LINGO2: variants seen among roughly 807,000 people sequenced by gnomAD.
LINGO2 encodes leucine-rich repeat and immunoglobulin-like domain-containing nogo receptor-interacting protein 2.
Under a neutral mutation model 30.6 loss-of-function variants are expected in LINGO2, and 14 were observed. The observed-to-expected ratio is 0.46, with a 90% confidence interval of 0.30 to 0.72. LINGO2 has a LOEUF of 0.72. Ranked by LOEUF, LINGO2 falls within the 30% of genes least tolerant of loss-of-function variation. LINGO2 has a pLI of 0.07. For synonymous variants in LINGO2, 317 were observed against 288.5 expected, an observed-to-expected ratio of 1.10 and a Z score of -1.00; for missense variants, 729 against 751.7, an observed-to-expected ratio of 0.97 and a Z score of 0.35.
the LINGO2 span, among the ~76,000 whole-genome samples, chr9:28,826,586 T>TCA: frequency 6.6e-6 from 1 of 152,122 alleles, no homozygotes; most frequent in African/African-American, 2.4e-5. Flanking sequence ...GCTGGCTGTG[T>TCA]CAGTGATAAT....
the LINGO2 span, among the ~76,000 whole-genome samples, chr9:28,692,811 C>T: frequency 6.6e-6 from 1 of 152,100 alleles, no homozygotes; most frequent in Non-Finnish European, 1.5e-5. Flanking sequence ...TCTTTCTCCT[C>T]TGAATTCATA....
At chr9:28,176,090 G>A (rs967654407) in intron 4 of LINGO2, among the ~76,000 whole-genome samples, 5 of 152,120 alleles carry the variant, frequency 3.3e-5, no homozygotes, top group East Asian at 1.9e-4. Flanking sequence ...AGGATAAAAC[G>A]CTTAAGTATT....
chr9:28,862,475 C>T, the LINGO2 span, among the ~76,000 whole-genome samples: 3 of 151,952 alleles, frequency 2.0e-5, no homozygotes, highest in Admixed American at 1.3e-4. Flanking sequence ...AAATAATATA[C>T]TGATTTTCTT....
the LINGO2 span, among the ~76,000 whole-genome samples, chr9:29,211,075 C>T: frequency 9.9e-5 from 15 of 152,122 alleles, no homozygotes; most frequent in Non-Finnish European, 1.9e-4. Flanking sequence ...ATATTCCACA[C>T]CCGATGGTAA....
chr9:28,017,560 T>C (rs548310460), intron 4 of LINGO2, among the ~76,000 whole-genome samples: 3 of 152,266 alleles, frequency 2.0e-5, no homozygotes, highest in African/African-American at 7.2e-5. Flanking sequence ...GTAGTACTTC[T>C]ATATATCGGC....
chr9:28,338,952 CAA>C (rs1180255824), intron 3 of LINGO2, among the ~76,000 whole-genome samples: 1 of 151,990 alleles, frequency 6.6e-6, no homozygotes, highest in Non-Finnish European at 1.5e-5. Flanking sequence ...AACAAACAAA[CAA>C]ACGTTAAAAT....
chr9:28,235,168 C>T lies in LINGO2; in HGVS notation c.-87+60040G>A, dbSNP rs1376764791. On this transcript the variant is annotated intron_variant, in intron 4 of 5. Coordinates refer to ENST00000379992, the Ensembl canonical transcript of LINGO2. Reference sequence around the variant, plus strand: ...CACATATGCAGTTTCAAGTGACTCACCACAGAGAGAGAGAGAATCTCTACA... The same window carrying T: ...CACATATGCAGTTTCAAGTGACTCATCACAGAGAGAGAGAGAATCTCTACA... Among the ~76,000 whole-genome samples, 7 of 152,050 alleles carry T rather than the reference C, an allele frequency of 4.6e-5. No individual in the cohort carries two copies. The East Asian group carries it at 1.2e-3, about 25-fold the overall frequency.
chr9:28,114,781 T>C (rs1254059087), intron 4 of LINGO2, among the ~76,000 whole-genome samples: 8 of 104,718 alleles, frequency 7.6e-5, no homozygotes, highest in Non-Finnish European at 1.1e-4. Context: ...TTTTTTATTG[T>C]GTCTATTTGA....
At chr9:28,478,926 C>CT (rs989862958) in intron 1 of LINGO2, among the ~76,000 whole-genome samples, 4 of 151,912 alleles carry the variant, frequency 2.6e-5, no homozygotes, top group African/African-American at 9.7e-5. Context: ...CTTTTCTGTG[C>CT]TTTTTTCTAT....
intron 5 of LINGO2, among the ~76,000 whole-genome samples, chr9:27,996,074 T>C (rs912986761): frequency 6.6e-6 from 1 of 152,086 alleles, no homozygotes; most frequent in Non-Finnish European, 1.5e-5. Flanking sequence ...ATACAAATCA[T>C]AACCACAGTG....
At chr9:29,191,317 T>G in the LINGO2 span, among the ~76,000 whole-genome samples, 2 of 152,204 alleles carry the variant, frequency 1.3e-5, no homozygotes, top group African/African-American at 4.8e-5. Context: ...ACTGTGAACT[T>G]AAGAATTTCT....
chr9:28,425,345 A>AC (rs201516514), intron 2 of LINGO2, among the ~76,000 whole-genome samples: 2 of 149,454 alleles, frequency 1.3e-5, no homozygotes, highest in African/African-American at 2.4e-5. Context: ...ATATATATAT[A>AC]AACACATACA....
intron 3 of LINGO2, among the ~76,000 whole-genome samples, chr9:28,369,051 G>C (rs1418167883): frequency 6.6e-6 from 1 of 152,144 alleles, no homozygotes; most frequent in Non-Finnish European, 1.5e-5. Flanking sequence ...GAATCTGGGA[G>C]CCCAATTCTT....
chr9:28,631,231 A>T (rs1826922775), intron 1 of LINGO2, among the ~76,000 whole-genome samples: 1 of 151,848 alleles, frequency 6.6e-6, no homozygotes, highest in Non-Finnish European at 1.5e-5. Context: ...ACATATGTAT[A>T]CATGTGCCAT....
the LINGO2 span, among the ~76,000 whole-genome samples, chr9:28,690,854 T>C: frequency 6.6e-6 from 1 of 152,202 alleles, no homozygotes; most frequent in African/African-American, 2.4e-5. Flanking sequence ...TCCATTTGCA[T>C]ATGTACAGAG....
At chr9:29,124,631 A>T in the LINGO2 span, among the ~76,000 whole-genome samples, 1 of 152,216 alleles carries the variant, frequency 6.6e-6, no homozygotes, top group East Asian at 1.9e-4. Context: ...TCAAAAGAAG[A>T]CATTTATGTG....
chr9:28,509,173 A>C (rs558825529), intron 1 of LINGO2, among the ~76,000 whole-genome samples: 1 of 152,136 alleles, frequency 6.6e-6, no homozygotes, highest in Non-Finnish European at 1.5e-5. Context: ...AAATTCCTCT[A>C]TGAGTGAGAC....
In LINGO2 at chr9:28,585,513, C is replaced by G. The variant is rs117599976; in HGVS notation, c.-365+84687G>C. On this transcript the variant is annotated intron_variant, in intron 1 of 5. Coordinates refer to ENST00000379992, the Ensembl canonical transcript of LINGO2. ...ATTCAGTAGAAACCATACTTCAGTACAGTATTAAGTAAATTATATAAGATA... is the reference window on the plus strand; with the variant it reads ...ATTCAGTAGAAACCATACTTCAGTAGAGTATTAAGTAAATTATATAAGATA... 2.6e-3 allele frequency among the ~76,000 whole-genome samples: 401 copies of G among 151,992 alleles called. 1 individual carries two copies. The highest frequency in any genetic ancestry group is 4.2e-3 in the Non-Finnish European group (288 of 67,922).
rs114418378 is a variant in LINGO2 at position 28,624,258 on chromosome 9, A to T, written c.-365+45942T>A. Among the ~76,000 whole-genome samples the T allele has an allele frequency of 9.3e-3, 1,410 of 152,190 alleles. 21 individuals are homozygous for T. Among genetic ancestry groups the T allele is most frequent in the African/African-American group, 0.033 (1,357 of 41,552 alleles). On this transcript the variant is annotated intron_variant, in intron 1 of 5. Coordinates refer to ENST00000379992, the Ensembl canonical transcript of LINGO2. ...GTATCCTTGTTGTATTTCTGATCTT[A>T]GAGGAAAAGCTTTTAGTTTTTACCC...
Sources: allele counts gnomAD v4.1 joint callset (sites outside exome capture counted in the v4.1 genomes callset), GRCh38; gene constraint gnomAD v4.1.1; transcripts MANE v1.5; gene names NCBI Gene and HGNC (gene_info 2026-07-23, HGNC 2026-07-21).